CCDC141: variants seen among roughly 807,000 people sequenced by gnomAD.
CCDC141 encodes the protein coiled-coil domain containing 141, also known as coiled-coil domain-containing protein 141.
In CCDC141, 168 loss-of-function variants were observed where a neutral mutation model predicts 181.0. That is an observed-to-expected ratio of 0.93 (90% CI 0.82 to 1.05). The LOEUF (loss-of-function observed/expected upper bound fraction) is 1.05. CCDC141 is among the 50% of genes least tolerant of loss of function. CCDC141 has a pLI of 0.00. For missense variants in CCDC141, 1,902 were observed against 1,788.5 expected, an observed-to-expected ratio of 1.06 and a Z score of -1.14; for synonymous variants, 666 against 642.3, an observed-to-expected ratio of 1.04 and a Z score of -0.56.
At chr2:178,952,536 C>T (rs1438563723) in intron 5 of CCDC141, among the ~76,000 whole-genome samples, 1 of 152,288 alleles carries the variant, frequency 6.6e-6, no homozygotes, top group South Asian at 2.1e-4. Flanking sequence ...GCACCAGAGT[C>T]CTGTTTCAAC....
intron 2 of CCDC141, among the ~76,000 whole-genome samples, chr2:178,996,001 T>C (rs1190783384): frequency 6.6e-6 from 1 of 152,200 alleles, no homozygotes; most frequent in African/African-American, 2.4e-5. Context: ...AAACATTATA[T>C]TAAAAGTTTT....
At chr2:179,004,911 T>C (rs1232926724) in intron 2 of CCDC141, among the ~76,000 whole-genome samples, 1 of 152,160 alleles carries the variant, frequency 6.6e-6, no homozygotes, top group Non-Finnish European at 1.5e-5. Context: ...TTTGTATTTT[T>C]TGGGGAGATG....
chr2:178,850,092 GTCACAGAT>G lies in CCDC141; in HGVS notation c.3306_3313del (p.Glu1102AspfsTer2). 1 of 1,610,410 alleles carries G rather than the reference GTCACAGAT, an allele frequency of 6.2e-7. No homozygotes were observed. Among genetic ancestry groups the G allele is most frequent in the Non-Finnish European group, 8.5e-7 (1 of 1,177,876 alleles). ...CTCTGTGAGGGACTCACATAATTCA[GTCACAGAT>G]TCAAGAACCTCTTTGTGTTTTGTCA... On this transcript the variant is annotated frameshift_variant, in exon 21 of 24. Transcript: ENST00000443758. LOFTEE classifies it high-confidence loss of function.
intron 6 of CCDC141, among the ~76,000 whole-genome samples, chr2:178,942,402 A>G (rs1689559988): frequency 6.6e-6 from 1 of 152,164 alleles, no homozygotes; most frequent in Non-Finnish European, 1.5e-5. Context: ...CCAATCTGAA[A>G]GCCTACATAC....
At chr2:178,915,334 T>A (rs146675562) in intron 7 of CCDC141, among the ~76,000 whole-genome samples, 59 of 152,364 alleles carry the variant, frequency 3.9e-4, no homozygotes, top group African/African-American at 1.3e-3. Flanking sequence ...TGGATATTTA[T>A]TCTTTTTATT....
At chr2:178,974,988 T>G (rs776659638) in intron 4 of CCDC141, 69 bp downstream of exon 4, 5 of 706,172 alleles carry the variant, frequency 7.1e-6, no homozygotes, top group Non-Finnish European at 1.2e-5. Flanking sequence ...CTATCATACA[T>G]AAGCATTCTC....
chr2:178,837,311 C>G lies in CCDC141; in HGVS notation c.3908G>C (p.Arg1303Thr). Residue 1303 changes from arginine to threonine, a missense_variant, in exon 23 of 24, where the codon AGA becomes ACA. By Grantham distance (71) the Arg-to-Thr change is moderately conservative. Coordinates refer to ENST00000443758, the MANE Select transcript of CCDC141 (RefSeq NM_173648.4). The stretch of plus-strand genomic sequence containing the variant: ...GGCAGTACTCTTTTCCACGAATCCT[C>G]TGGAGGTTAGTGGGGGCTCAGCTTT... ...QFKAEPPLTSRGFVEKSTALH... is the reference protein window; with the variant it reads ...QFKAEPPLTSTGFVEKSTALH... The G allele has an allele frequency of 6.2e-7, 1 of 1,614,112 alleles. No homozygotes were observed. Among genetic ancestry groups the G allele is most frequent in the Non-Finnish European group, 8.5e-7 (1 of 1,179,980 alleles).
At chr2:179,001,928 C>G (rs2041995820) in intron 2 of CCDC141, 1 of 153,846 alleles carries the variant, frequency 6.5e-6, no homozygotes, top group African/African-American at 2.4e-5. Flanking sequence ...AAGTGATTCC[C>G]CTGCCTCAGC....
At chr2:179,032,656 C>G (rs1350282701) in intron 2 of CCDC141, among the ~76,000 whole-genome samples, 1 of 152,152 alleles carries the variant, frequency 6.6e-6, no homozygotes, top group Non-Finnish European at 1.5e-5. Context: ...CCGGCATTAA[C>G]TCTTCATCAT....
intron 2 of CCDC141, among the ~76,000 whole-genome samples, chr2:179,021,221 C>G (rs2042683972): frequency 6.6e-6 from 1 of 152,206 alleles, no homozygotes; most frequent in African/African-American, 2.4e-5. Context: ...TGAGTTTACA[C>G]ATACTGCTGA....
chr2:178,834,244 T>C lies in CCDC141; in HGVS notation c.4522A>G (p.Arg1508Gly), dbSNP rs1684380030. The C allele has an allele frequency of 2.0e-6, 3 of 1,536,250 alleles. No homozygotes were observed. The highest frequency in any genetic ancestry group is 2.6e-6 in the Non-Finnish European group (3 of 1,146,872). The change falls in exon 24 of 24, where the codon AGA (arginine) becomes GGA (glycine). Residue 1508 changes from arginine (R) to glycine (G), a missense_variant. By Grantham distance (125) the Arg-to-Gly change is moderately radical (BLOSUM62 -2). Coordinates refer to ENST00000443758, the MANE Select transcript of CCDC141 (RefSeq NM_173648.4). Reference protein sequence around the residue: ...VTGNCRLPITRVNWITLCVVY... With the variant: ...VTGNCRLPITGVNWITLCVVY... ...ACACACAGGGTTATCCAGTTTACTC[T>C]TGTGATTGGCAGCCTGCAGTTACCT...
At chr2:178,967,503 G>A (rs183797970) in intron 4 of CCDC141, among the ~76,000 whole-genome samples, 5 of 152,264 alleles carry the variant, frequency 3.3e-5, no homozygotes, top group East Asian at 1.9e-4. Flanking sequence ...CTTCATAAGC[G>A]AAGGAGAAAT....
intron 5 of CCDC141, among the ~76,000 whole-genome samples, chr2:178,952,500 A>G (rs1465338653): frequency 1.3e-5 from 2 of 152,242 alleles, no homozygotes; most frequent in South Asian, 4.1e-4. Flanking sequence ...TAAATATAAA[A>G]GCTAGGATTG....
chr2:178,815,162 C>T, the CCDC141 span, among the ~76,000 whole-genome samples: 1 of 152,096 alleles, frequency 6.6e-6, no homozygotes. Context: ...ATTTTTATGG[C>T]AGTGCTAGCA....
intron 7 of CCDC141, among the ~76,000 whole-genome samples, chr2:178,913,903 C>A (rs1688328554): frequency 6.6e-6 from 1 of 152,198 alleles, no homozygotes; most frequent in Admixed American, 6.5e-5. Context: ...TATGACCAAT[C>A]AGTCATGTTT....
intron 2 of CCDC141, among the ~76,000 whole-genome samples, chr2:178,995,560 G>T (rs1007891501): frequency 2.0e-5 from 3 of 152,012 alleles, no homozygotes; most frequent in African/African-American, 4.8e-5. Flanking sequence ...TGTCACCAAG[G>T]TTCTCTTATA....
intron 6 of CCDC141, among the ~76,000 whole-genome samples, chr2:178,927,867 A>C (rs1688967281): frequency 6.6e-6 from 1 of 152,208 alleles, no homozygotes; most frequent in African/African-American, 2.4e-5. Flanking sequence ...CTGGGCACCG[A>C]AGAAAAGAAC....
intron 2 of CCDC141, among the ~76,000 whole-genome samples, chr2:179,045,507 A>T (rs1329003439): frequency 6.6e-6 from 1 of 152,160 alleles, no homozygotes; most frequent in Non-Finnish European, 1.5e-5. Context: ...CATGATTTAT[A>T]GTCCTTTGGG....
intron 2 of CCDC141, among the ~76,000 whole-genome samples, chr2:179,015,035 T>A (rs147609384): frequency 1.7e-5 from 2 of 120,330 alleles, no homozygotes; most frequent in Non-Finnish European, 1.6e-5. Flanking sequence ...TGCCCATCAA[T>A]CAATGAGTGG....
Sources: gnomAD v4.1 joint callset for allele counts (sites outside exome capture counted in the v4.1 genomes callset) on GRCh38, gnomAD v4.1.1 for gene constraint, MANE v1.5 for transcripts, NCBI Gene and HGNC (gene_info 2026-07-23, HGNC 2026-07-21) for gene names.